ANO2: variants seen among roughly 807,000 people sequenced by gnomAD.
The protein encoded by ANO2 is anoctamin-2.
A neutral mutation model predicts 124.2 loss-of-function variants in ANO2; 101 were observed. That is an observed-to-expected ratio of 0.81 (90% CI 0.69 to 0.96). ANO2 has a LOEUF of 0.96. ANO2 is among the 40% of genes least tolerant of loss of function. The pLI is 0.00. For missense variants in ANO2, 1,293 were observed against 1,274.5 expected (o/e 1.01, Z -0.22); for synonymous variants, 486 against 482.5 (o/e 1.01, Z -0.09).
chr12:5,901,166 T>G (rs1940178582), intron 3 of ANO2, among the ~76,000 whole-genome samples: 1 of 152,152 alleles, frequency 6.6e-6, no homozygotes, highest in African/African-American at 2.4e-5. Flanking sequence ...AATGAGCAGA[T>G]TCAACCTGGA....
At chr12:5,782,825 G>A (rs1485149388) in intron 10 of ANO2, among the ~76,000 whole-genome samples, 1 of 152,150 alleles carries the variant, frequency 6.6e-6, no homozygotes, top group Non-Finnish European at 1.5e-5. Context: ...TAGAGAGCAT[G>A]GGCTCCAATG....
At chr12:5,899,082 A>ACC (rs1939997550) in intron 3 of ANO2, among the ~76,000 whole-genome samples, 1 of 152,092 alleles carries the variant, frequency 6.6e-6, no homozygotes, top group African/African-American at 2.4e-5. Flanking sequence ...CCTGCTGTTC[A>ACC]CCTGAGCCAG....
chr12:5,607,995 C>T (rs556024965), intron 19 of ANO2, among the ~76,000 whole-genome samples: 11 of 152,208 alleles, frequency 7.2e-5, no homozygotes, highest in African/African-American at 1.7e-4. Flanking sequence ...CCCCGGTCCA[C>T]GGAAAAACTG....
At chr12:5,771,277 G>C (rs944932258) in intron 10 of ANO2, among the ~76,000 whole-genome samples, 3 of 152,212 alleles carry the variant, frequency 2.0e-5, no homozygotes, top group Non-Finnish European at 4.4e-5. Context: ...ACAGCTCAGA[G>C]AGATTGAGTA....
At chr12:5,898,640 A>G (rs952940998) in intron 3 of ANO2, among the ~76,000 whole-genome samples, 5 of 152,218 alleles carry the variant, frequency 3.3e-5, no homozygotes, top group African/African-American at 7.2e-5. Flanking sequence ...CACAAAATAC[A>G]TATTATACGA....
At chr12:5,944,269 G>C (rs111867209) in intron 1 of ANO2, among the ~76,000 whole-genome samples, 4 of 152,324 alleles carry the variant, frequency 2.6e-5, no homozygotes, top group Non-Finnish European at 2.9e-5. Context: ...CCTTCACCTT[G>C]TCTAAGATCC....
chr12:5,891,096 C>T (rs1939358783), intron 3 of ANO2, among the ~76,000 whole-genome samples: 1 of 152,162 alleles, frequency 6.6e-6, no homozygotes, highest in African/African-American at 2.4e-5. Context: ...ACACGTTCTC[C>T]TTCTATGCCA....
Position 5,568,240 on chromosome 12 carries a change from C to T in ANO2, c.2622-2577G>A, listed in dbSNP as rs764933167. ...CTGCAACCTCCGCCTCCCAGGTTCA[C>T]GCCATTCTCCTGCCTCAGCCTCAGT... is the stretch of plus-strand genomic sequence containing the variant. On this transcript the variant is annotated intron_variant, in intron 23 of 24. Transcript: ENST00000682330. Among the ~76,000 whole-genome samples the T allele has an allele frequency of 9.3e-5, 14 of 150,458 alleles. No individual in the cohort carries two copies. In the East Asian group the frequency reaches 2.4e-3, roughly 26 times the overall value.
chr12:5,830,041 C>T (rs563414399), intron 6 of ANO2, among the ~76,000 whole-genome samples: 5 of 152,050 alleles, frequency 3.3e-5, no homozygotes, highest in Admixed American at 6.5e-5. Context: ...CTAGTTCTAA[C>T]GCTAACGATC....
chr12:5,934,025 AG>A (rs1448193033), intron 1 of ANO2, among the ~76,000 whole-genome samples: 1 of 152,242 alleles, frequency 6.6e-6, no homozygotes, highest in Non-Finnish European at 1.5e-5. Context: ...ATTTTGAAAC[AG>A]GATGGATTCC....
chr12:5,877,376 T>C (rs1938180871), intron 3 of ANO2, among the ~76,000 whole-genome samples: 1 of 152,236 alleles, frequency 6.6e-6, no homozygotes, highest in Non-Finnish European at 1.5e-5. Context: ...ACTTTCATTT[T>C]GGACTTCTGG....
chr12:5,709,526 A>T (rs1024169512), intron 14 of ANO2, among the ~76,000 whole-genome samples: 8 of 152,190 alleles, frequency 5.3e-5, no homozygotes. Context: ...CAAATCCTGG[A>T]CTGGACTCAG....
chr12:5,945,710 T>C (rs1375275291), upstream of ANO2, among the ~76,000 whole-genome samples: 1 of 152,224 alleles, frequency 6.6e-6, no homozygotes, highest in Admixed American at 6.5e-5. Context: ...GGCGAGCCCC[T>C]GGACGGCGGA....
At chr12:5,902,502 A>G (rs903552088) in intron 3 of ANO2, among the ~76,000 whole-genome samples, 1 of 145,930 alleles carries the variant, frequency 6.9e-6, no homozygotes, top group Non-Finnish European at 1.5e-5. Flanking sequence ...AGGCGGAGGA[A>G]GACTTGAGCC....
At chr12:5,905,316 T>A (rs1223644138) in intron 3 of ANO2, among the ~76,000 whole-genome samples, 1 of 152,220 alleles carries the variant, frequency 6.6e-6, no homozygotes, top group Admixed American at 6.5e-5. Flanking sequence ...TCAAGTTATG[T>A]AACTTTGGTT....
At chr12:5,941,428 G>GT (rs1942889702) in intron 1 of ANO2, among the ~76,000 whole-genome samples, 1 of 151,892 alleles carries the variant, frequency 6.6e-6, no homozygotes, top group Admixed American at 6.6e-5. Context: ...AGAGAGCAGA[G>GT]GATAAAGATT....
Position 5,922,819 on chromosome 12 carries a change from G to T in ANO2, c.23-15C>A, listed in dbSNP as rs1205830248. The T allele has an allele frequency of 6.8e-7, 1 of 1,477,310 alleles. No individual in the cohort carries two copies. Among genetic ancestry groups the T allele is most frequent in the East Asian group, 2.5e-5 (1 of 39,306 alleles). The allele number at this position is 1,477,310 out of a possible 1,614,324, so 91.5% of individuals were successfully genotyped here. ...CAGGGGTATATCTGTGAGAGGGAAA[G>T]ACAAGGGAGGCAAAACAGCCTCAGG... On this transcript the variant is annotated splice_polypyrimidine_tract_variant and intron_variant, in intron 1 of 24. Transcript: ENST00000682330.
Position 5,658,883 on chromosome 12 carries a change from T to C in ANO2, c.1546-11082A>G, listed in dbSNP as rs551070312. ...ATATCATCATCATCATCAACATCAT[T>C]ATCATCATTAAAATCATCATCAGCA... On this transcript the variant is annotated intron_variant, in intron 14 of 24. Transcript: ENST00000682330. The surrounding 1 kb of genome is among the most constrained non-coding windows in gnomAD (Gnocchi z 4.3). Among the ~76,000 whole-genome samples the C allele has an allele frequency of 6.6e-6, 1 of 152,176 alleles. No individual in the cohort carries two copies. The highest frequency in any genetic ancestry group is 2.4e-5 in the African/African-American group (1 of 41,498).
intron 14 of ANO2, among the ~76,000 whole-genome samples, chr12:5,694,430 T>C (rs559262182): frequency 1.3e-5 from 2 of 152,096 alleles, no homozygotes; most frequent in Admixed American, 6.5e-5. Flanking sequence ...CACTAGCGAG[T>C]GGTGAGCCAG....
Sources: allele counts gnomAD v4.1 joint callset (sites outside exome capture counted in the v4.1 genomes callset), GRCh38; gene constraint gnomAD v4.1.1; non-coding constraint Gnocchi (gnomAD v3.1); transcripts MANE v1.5; gene names NCBI Gene and HGNC (gene_info 2026-07-23, HGNC 2026-07-21).